PIK3C2G: variants seen among roughly 807,000 people sequenced by gnomAD.
PIK3C2G encodes phosphatidylinositol-4-phosphate 3-kinase catalytic subunit type 2 gamma, also known as phosphatidylinositol 3-kinase C2 domain-containing subunit gamma.
Under a neutral mutation model 181.1 loss-of-function variants are expected in PIK3C2G, and 168 were observed. That is an observed-to-expected ratio of 0.93 (90% CI 0.82 to 1.05). The LOEUF is 1.05. Among genes scored for constraint, PIK3C2G ranks in the 50% least tolerant of loss-of-function variants. The probability of loss-of-function intolerance (pLI) is 0.00; values close to 1 mark genes in which losing one functional copy is unlikely to be tolerated. For missense variants in PIK3C2G, 1,869 were observed against 1,732.8 expected, an observed-to-expected ratio of 1.08 and a Z score of -1.40; for synonymous variants, 573 against 592.2, an observed-to-expected ratio of 0.97 and a Z score of 0.47.
rs1466734220 is a variant in PIK3C2G, at chr12:18,282,349, A to G, written c.268A>G (p.Thr90Ala). The change falls in exon 2 of 33, where the codon ACT becomes GCT. Residue 90 changes from threonine (T) to alanine (A), a missense_variant. Physicochemically the swap from Thr to Ala is moderately conservative, Grantham distance 58. Coordinates refer to ENST00000538779, the MANE Select transcript of PIK3C2G (RefSeq NM_001288772.2). ...ACACCAAATATCCTTGAATGAATTC[A>G]CTTCTAAAAGCCGTGAACTCTCCTG... Reference protein sequence around the residue: ...EAHQISLNEFTSKSRELSWHQ... With the variant: ...EAHQISLNEFASKSRELSWHQ... 2 of 1,613,758 alleles carry G rather than the reference A, an allele frequency of 1.2e-6. No homozygotes were observed. Among genetic ancestry groups the G allele is most frequent in the South Asian group, 1.1e-5 (1 of 91,080 alleles).
chr12:18,571,114 T>A (rs2136374931), intron 29 of PIK3C2G, among the ~76,000 whole-genome samples: 1 of 151,078 alleles, frequency 6.6e-6, no homozygotes, highest in Non-Finnish European at 1.5e-5. Context: ...ATATTTTCTT[T>A]CTTATTCTTT....
chr12:18,608,201 T>C (rs1002825248), intron 30 of PIK3C2G, among the ~76,000 whole-genome samples: 1 of 152,142 alleles, frequency 6.6e-6, no homozygotes, highest in Non-Finnish European at 1.5e-5. Flanking sequence ...GCCATCCCAT[T>C]ACTGGGTATA....
intron 4 of PIK3C2G, among the ~76,000 whole-genome samples, chr12:18,292,223 AAAAAATATATATAT>A (rs1565562759): frequency 3.1e-5 from 2 of 64,482 alleles, no homozygotes; most frequent in Non-Finnish European, 6.2e-5. Context: ...AAAAAAAAAA[AAAAAATATATATAT>A]ATATATATAT....
rs564875319 is a variant in PIK3C2G, at chr12:18,640,474, C to A, written c.4228C>A (p.Leu1410Ile). 90 of 1,609,372 alleles carry A rather than the reference C, an allele frequency of 5.6e-5. No homozygotes were observed. Among genetic ancestry groups the A allele is most frequent in the Middle Eastern group, 5.0e-4 (3 of 6,052 alleles). The stretch of plus-strand genomic sequence containing the variant: ...GCCCAGTGCACATGTTGAATTTTAT[C>A]TTTTACCATATCCCAGTGAAGTTCG... Reference protein sequence around the residue: ...SAPSAHVEFYLLPYPSEVRRR... With the variant: ...SAPSAHVEFYILPYPSEVRRR... The change falls in exon 32 of 33, where the codon CTT becomes ATT. Residue 1410 changes from leucine to isoleucine, a missense_variant. Transcript: ENST00000538779.
chr12:18,318,293 C>T (rs1173843258), intron 6 of PIK3C2G, among the ~76,000 whole-genome samples: 1 of 151,954 alleles, frequency 6.6e-6, no homozygotes, highest in Non-Finnish European at 1.5e-5. Context: ...TTGAGGTAAG[C>T]TTTATAAAAT....
chr12:18,347,070 T>C (rs1337182676), intron 11 of PIK3C2G, among the ~76,000 whole-genome samples: 1 of 152,242 alleles, frequency 6.6e-6, no homozygotes, highest in Non-Finnish European at 1.5e-5. Context: ...ATTGCCAATA[T>C]ATCGTTATGG....
intron 22 of PIK3C2G, among the ~76,000 whole-genome samples, chr12:18,497,973 T>C (rs1031530957): frequency 3.9e-5 from 6 of 152,186 alleles, no homozygotes; most frequent in Non-Finnish European, 7.4e-5. Context: ...GACCTTCACA[T>C]TACAAATGTT....
intron 30 of PIK3C2G, among the ~76,000 whole-genome samples, chr12:18,604,305 G>A (rs574814423): frequency 4.0e-4 from 61 of 152,228 alleles, no homozygotes; most frequent in Admixed American, 2.4e-3. Flanking sequence ...AAGAGGGACA[G>A]TATATAATGG....
At chr12:18,633,713 C>A (rs897423696) in intron 31 of PIK3C2G, among the ~76,000 whole-genome samples, 1 of 152,188 alleles carries the variant, frequency 6.6e-6, no homozygotes, top group African/African-American at 2.4e-5. Context: ...CTAGCCAGAA[C>A]TGTAACTCCC....
chr12:18,281,977 T>C, intron 1 of PIK3C2G, 27 bp from the exon 2 acceptor site: 3 of 668,178 alleles, frequency 4.5e-6, no homozygotes, highest in Admixed American at 3.0e-5. Flanking sequence ...ATTCAATATA[T>C]TTTCTTTCAT....
intron 1 of PIK3C2G, among the ~76,000 whole-genome samples, chr12:18,274,569 C>T (rs1280934539): frequency 3.3e-5 from 5 of 152,012 alleles, no homozygotes; most frequent in African/African-American, 4.8e-5. Flanking sequence ...AACCAAACAC[C>T]GCATGTTCTC....
intron 12 of PIK3C2G, among the ~76,000 whole-genome samples, chr12:18,363,856 A>G (rs1359656094): frequency 6.6e-6 from 1 of 152,152 alleles, no homozygotes; most frequent in East Asian, 1.9e-4. Context: ...CGCATACCTC[A>G]TGGCCCCTCC....
chr12:18,317,036 C>T (rs1486167014), intron 6 of PIK3C2G, among the ~76,000 whole-genome samples: 3 of 127,870 alleles, frequency 2.3e-5, no homozygotes, highest in Non-Finnish European at 4.7e-5. Flanking sequence ...TTTTTTGAGA[C>T]GGAGTCTCGC....
Position 18,277,613 on chromosome 12 carries a change from C to T in PIK3C2G, c.-78-4391C>T, listed in dbSNP as rs575280308. ...ATTTCTTCCACACTCCTCTCATCTT[C>T]CTCCTGTAGATATTCTTAGTAATGT... On this transcript the variant is annotated intron_variant, in intron 1 of 32. Coordinates refer to ENST00000538779, the MANE Select transcript of PIK3C2G (RefSeq NM_001288772.2). Among the ~76,000 whole-genome samples, 3 of 152,268 alleles carry T rather than the reference C, an allele frequency of 2.0e-5. 1 individual carries two copies. Among genetic ancestry groups the T allele is most frequent in the African/African-American group, 7.2e-5 (3 of 41,564 alleles).
At chr12:18,684,034 T>C in the PIK3C2G span, 7 of 1,402,704 alleles carry the variant, frequency 5.0e-6, no homozygotes, top group South Asian at 4.9e-5. Context: ...ACATCCTACT[T>C]TATGATAGAG....
chr12:18,519,348 G>A (rs1172602482), intron 24 of PIK3C2G, among the ~76,000 whole-genome samples: 3 of 152,146 alleles, frequency 2.0e-5, no homozygotes, highest in Admixed American at 6.5e-5. Flanking sequence ...TATTGTGTGG[G>A]AGTCTCAGTC....
intron 19 of PIK3C2G, 45 bp downstream of exon 19, chr12:18,488,674 G>A: frequency 8.3e-7 from 1 of 1,204,960 alleles, no homozygotes; most frequent in Non-Finnish European, 1.1e-6. Context: ...TTTTAACTTT[G>A]GCTTAAATTA....
At chr12:18,439,475 C>T (rs900146576) in intron 18 of PIK3C2G, among the ~76,000 whole-genome samples, 2 of 151,988 alleles carry the variant, frequency 1.3e-5, no homozygotes, top group Admixed American at 1.3e-4. Flanking sequence ...CGTTACTATT[C>T]ACACTGAAAT....
chr12:18,378,600 A>G (rs868701324), intron 13 of PIK3C2G, among the ~76,000 whole-genome samples: 20 of 152,078 alleles, frequency 1.3e-4, no homozygotes, highest in African/African-American at 4.3e-4. Flanking sequence ...ATGGGAGAAA[A>G]TTTTTGCAAT....
Sources: allele counts gnomAD v4.1 joint callset (sites outside exome capture counted in the v4.1 genomes callset), GRCh38; gene constraint gnomAD v4.1.1; transcripts MANE v1.5; gene names NCBI Gene and HGNC (gene_info 2026-07-23, HGNC 2026-07-21).